Variants in TNNI3K observed in about 807,000 individuals in gnomAD.
The protein encoded by TNNI3K is TNNI3 interacting kinase.
TNNI3K carries 140 observed loss-of-function variants against 114.5 expected under a neutral mutation model. The ratio of observed to expected loss-of-function variants is 1.22; its 90% CI spans 1.07 to 1.41. The LOEUF (loss-of-function observed/expected upper bound fraction) is 1.41, where lower values mean the gene tolerates loss of function less well. TNNI3K is among the 40% of genes most tolerant of loss of function. TNNI3K has a pLI of 0.00. For missense variants in TNNI3K, 1,125 were observed against 1,007.6 expected (o/e 1.12, Z -1.58); for synonymous variants, 347 against 347.5 (o/e 1.00, Z 0.02).
intron 23 of TNNI3K, among the ~76,000 whole-genome samples, chr1:74,520,388 T>G (rs1260544678): frequency 1.3e-5 from 2 of 152,032 alleles, no homozygotes; most frequent in Non-Finnish European, 2.9e-5. Flanking sequence ...CCACCTTTCT[T>G]CCTCAGCCCC....
chr1:74,354,092 A>G lies in TNNI3K; in HGVS notation c.1140A>G (p.Lys380=), dbSNP rs2100480903. ...ATCCCAGCAGGTCTAGTGGTGAAAA[A>G]GATGAGCAGACATGTTTGATGTGGG... ...ACDPSRSSGE[K]DEQTCLMWAY... Residue 380 remains lysine, a synonymous_variant, in exon 11 of 25, where the codon AAA becomes AAG. Transcript: ENST00000326637. 9 of 1,614,080 alleles carry G rather than the reference A, an allele frequency of 5.6e-6. No individual in the cohort carries two copies. Among genetic ancestry groups the G allele is most frequent in the Non-Finnish European group, 7.6e-6 (9 of 1,179,994 alleles).
chr1:74,480,863 C>T lies in TNNI3K; in HGVS notation c.2122-8326C>T, dbSNP rs752133437. 24 of 717,340 alleles carry T rather than the reference C, an allele frequency of 3.3e-5. 1 individual carries two copies. In the South Asian group the frequency reaches 3.6e-4, roughly 11 times the overall value. The allele number at this position is 717,340 out of a possible 1,614,324, so 44.4% of individuals were successfully genotyped here. On this transcript the variant is annotated intron_variant, in intron 21 of 24. Coordinates refer to ENST00000326637, the MANE Select transcript of TNNI3K (RefSeq NM_015978.3). Reference sequence around the variant, plus strand: ...CTGAACATCCTCGATACCATTTCTGCTTAGGGAGAGCAGGGCAAGATTAAA... The same window carrying T: ...CTGAACATCCTCGATACCATTTCTGTTTAGGGAGAGCAGGGCAAGATTAAA...
chr1:74,490,352 C>A (rs1011242343), intron 22 of TNNI3K, among the ~76,000 whole-genome samples: 2 of 152,124 alleles, frequency 1.3e-5, no homozygotes, highest in Admixed American at 6.5e-5. Flanking sequence ...TTAAGAGACA[C>A]CTTCAAGACT....
chr1:74,255,988 T>C (rs901228601), intron 4 of TNNI3K, among the ~76,000 whole-genome samples: 1 of 152,228 alleles, frequency 6.6e-6, no homozygotes, highest in Non-Finnish European at 1.5e-5. Flanking sequence ...TTCCCTTATA[T>C]GGATATACCA....
chr1:74,360,351 C>A (rs1661895270), intron 11 of TNNI3K, among the ~76,000 whole-genome samples: 1 of 151,934 alleles, frequency 6.6e-6, no homozygotes, highest in Non-Finnish European at 1.5e-5. Flanking sequence ...GTCTTGTGTA[C>A]TTCTTGCCTC....
chr1:74,472,631 T>TCAATAATAAGATAATAATTTGA (rs1667992327), intron 21 of TNNI3K, among the ~76,000 whole-genome samples: 1 of 152,016 alleles, frequency 6.6e-6, no homozygotes, highest in East Asian at 1.9e-4. Context: ...TTTCAGATAA[T>TCAATAATAAGATAATAATTTGA]CAATAATAAG....
chr1:74,356,403 C>A (rs905927432), intron 11 of TNNI3K, among the ~76,000 whole-genome samples: 2 of 152,038 alleles, frequency 1.3e-5, no homozygotes, highest in African/African-American at 4.8e-5. Flanking sequence ...TAAAGGTGTT[C>A]TACTTTGTAT....
intron 17 of TNNI3K, among the ~76,000 whole-genome samples, chr1:74,383,190 G>A (rs971932607): frequency 6.6e-6 from 1 of 151,738 alleles, no homozygotes; most frequent in Non-Finnish European, 1.5e-5. Context: ...AATTTTCTGT[G>A]GGTTTGACAA....
chr1:74,405,479 A>G (rs1203090182), intron 17 of TNNI3K, among the ~76,000 whole-genome samples: 1 of 152,228 alleles, frequency 6.6e-6, no homozygotes, highest in East Asian at 1.9e-4. Context: ...CAATGATCTA[A>G]GTGAATGATA....
intron 5 of TNNI3K, among the ~76,000 whole-genome samples, chr1:74,299,340 T>A (rs1658179368): frequency 6.6e-6 from 1 of 152,178 alleles, no homozygotes; most frequent in Non-Finnish European, 1.5e-5. Context: ...CCTGTTTATC[T>A]TGCTATTTTA....
intron 4 of TNNI3K, among the ~76,000 whole-genome samples, chr1:74,259,650 A>T (rs1024198864): frequency 6.6e-6 from 1 of 152,032 alleles, no homozygotes; most frequent in Non-Finnish European, 1.5e-5. Context: ...GTGTGCGCCT[A>T]TAGTCCCAGC....
chr1:74,492,414 A>G (rs1001850283), intron 23 of TNNI3K, 148 bp downstream of exon 23: 1 of 1,106,926 alleles, frequency 9.0e-7, no homozygotes, highest in Non-Finnish European at 1.2e-6. Flanking sequence ...TTCTTACGTT[A>G]TGACTAAAAA....
chr1:74,413,658 C>G (rs945436279), intron 17 of TNNI3K, among the ~76,000 whole-genome samples: 4 of 152,138 alleles, frequency 2.6e-5, no homozygotes, highest in African/African-American at 9.7e-5. Context: ...GTATAAAGAA[C>G]GTTGCATACT....
At chr1:74,320,081 C>T (rs1659524843) in intron 5 of TNNI3K, among the ~76,000 whole-genome samples, 1 of 152,120 alleles carries the variant, frequency 6.6e-6, no homozygotes, top group African/African-American at 2.4e-5. Flanking sequence ...GCCAAAACTA[C>T]TTGGGCGCGT....
At chr1:74,235,753 G>A (rs897256230) in intron 1 of TNNI3K, among the ~76,000 whole-genome samples, 2 of 151,074 alleles carry the variant, frequency 1.3e-5, no homozygotes, top group Non-Finnish European at 3.0e-5. Flanking sequence ...ATTGCTGAAT[G>A]TAGGGATTTT....
chr1:74,514,393 G>A (rs1646318460), intron 23 of TNNI3K, among the ~76,000 whole-genome samples: 1 of 152,146 alleles, frequency 6.6e-6, no homozygotes, highest in Admixed American at 6.5e-5. Context: ...CTTATCGAGA[G>A]GAAGCATTTA....
intron 21 of TNNI3K, among the ~76,000 whole-genome samples, chr1:74,484,042 G>A (rs1425923537): frequency 6.6e-6 from 1 of 151,702 alleles, no homozygotes; most frequent in Non-Finnish European, 1.5e-5. Flanking sequence ...AATAATAAAT[G>A]TCTACAGTAC....
intron 20 of TNNI3K, among the ~76,000 whole-genome samples, chr1:74,458,884 G>A (rs540313019): frequency 1.1e-3 from 171 of 152,274 alleles, no homozygotes; most frequent in Middle Eastern, 3.4e-3. Flanking sequence ...TACCCAATAG[G>A]TAGTTTTTCA....
chr1:74,418,162 C>CT (rs1195405222), intron 17 of TNNI3K: 1 of 454,094 alleles, frequency 2.2e-6, no homozygotes, highest in Non-Finnish European at 4.4e-6. Context: ...TCACCCTCTC[C>CT]TATAGGGCTT....
Sources: allele counts gnomAD v4.1 joint callset (sites outside exome capture counted in the v4.1 genomes callset), GRCh38; gene constraint gnomAD v4.1.1; transcripts MANE v1.5; gene names NCBI Gene and HGNC (gene_info 2026-07-23, HGNC 2026-07-21).